ZNF782: variants seen among roughly 807,000 people sequenced by gnomAD.
The protein encoded by ZNF782 is zinc finger protein 782.
In ZNF782, 12 loss-of-function variants were observed where a neutral mutation model predicts 13.0. The ratio of observed to expected loss-of-function variants is 0.92; its 90% CI spans 0.59 to 1.50. The LOEUF (loss-of-function observed/expected upper bound fraction) is 1.50, where lower values mean the gene tolerates loss of function less well. Among genes scored for constraint, ZNF782 ranks in the 40% most tolerant of loss-of-function variants. The probability of loss-of-function intolerance (pLI) is 0.00; values close to 1 mark genes in which losing one functional copy is unlikely to be tolerated. For missense variants in ZNF782, 770 were observed against 822.9 expected (o/e 0.94, Z 0.79); for synonymous variants, 284 against 283.0 (o/e 1.00, Z -0.04).
Position 96,817,965 on chromosome 9 carries a change from T to A in ZNF782, c.2058A>T (p.Lys686Asn). 3 of 1,603,246 alleles carry A rather than the reference T, an allele frequency of 1.9e-6. No homozygotes were observed. Among genetic ancestry groups the A allele is most frequent in the Non-Finnish European group, 2.6e-6 (3 of 1,175,020 alleles). The change falls in exon 6 of 6, where the codon AAA (lysine) becomes AAT (asparagine). Residue 686 changes from lysine (K) to asparagine (N), a missense_variant. Coordinates refer to ENST00000481138, the MANE Select transcript of ZNF782 (RefSeq NM_001001662.3). ...CDKCGRTFSQ[K>N]SSLREHQKAH... The stretch of plus-strand genomic sequence containing the variant: ...CTTTCTGATGTTCTCTAAGGCTTGA[T>A]TTTTGACTGAAAGTTCTCCCACATT...
At chr9:96,914,087 A>G in the ZNF782 span, among the ~76,000 whole-genome samples, 1 of 151,588 alleles carries the variant, frequency 6.6e-6, no homozygotes, top group African/African-American at 2.4e-5. Flanking sequence ...AATAAAATAC[A>G]TATTGCATTA....
the ZNF782 span, among the ~76,000 whole-genome samples, chr9:96,899,002 T>C: frequency 3.4e-5 from 5 of 148,748 alleles, no homozygotes; most frequent in South Asian, 2.1e-4. Context: ...AAGTCCATTA[T>C]AGACTTTCCA....
intron 4 of ZNF782, among the ~76,000 whole-genome samples, chr9:96,837,801 T>C (rs1003981927): frequency 6.6e-6 from 1 of 152,224 alleles, no homozygotes; most frequent in African/African-American, 2.4e-5. Flanking sequence ...TGTTAATTTT[T>C]CACATATTTG....
At chr9:96,855,366 C>T (rs1424453866), upstream of ZNF782, among the ~76,000 whole-genome samples, 2 of 152,172 alleles carry the variant, frequency 1.3e-5, no homozygotes, top group Non-Finnish European at 2.9e-5. Context: ...GAGCAGTATA[C>T]ACTGCACCCC....
At chr9:96,851,108 T>G (rs1484051127) in intron 3 of ZNF782, among the ~76,000 whole-genome samples, 1 of 152,128 alleles carries the variant, frequency 6.6e-6, no homozygotes, top group Non-Finnish European at 1.5e-5. Flanking sequence ...CTTGTCTCTC[T>G]GTACATCTAT....
intron 4 of ZNF782, among the ~76,000 whole-genome samples, chr9:96,839,820 G>A (rs745368033): frequency 2.6e-5 from 4 of 152,020 alleles, no homozygotes; most frequent in Non-Finnish European, 5.9e-5. Context: ...TATTTACTGA[G>A]TATCACTCCT....
chr9:96,840,177 T>C (rs572788112), intron 4 of ZNF782, among the ~76,000 whole-genome samples: 2 of 152,266 alleles, frequency 1.3e-5, no homozygotes, highest in African/African-American at 4.8e-5. Flanking sequence ...CTCAATAATA[T>C]ATATTCACTT....
chr9:96,893,522 TTACTGGG>T, the ZNF782 span: 1 of 152,262 alleles, frequency 6.6e-6, no homozygotes, highest in Admixed American at 6.5e-5. Flanking sequence ...AGCCATCCCA[TTACTGGG>T]TATATACCCA....
At chr9:96,865,842 G>A (rs1851748470) in intron 1 of ZNF782, among the ~76,000 whole-genome samples, 1 of 152,148 alleles carries the variant, frequency 6.6e-6, no homozygotes, top group Non-Finnish European at 1.5e-5. Flanking sequence ...GAGCAAAAGT[G>A]ACTCTTGTTA....
chr9:96,870,044 T>G (rs1274389691), intron 1 of ZNF782, among the ~76,000 whole-genome samples: 1 of 152,046 alleles, frequency 6.6e-6, no homozygotes, highest in Non-Finnish European at 1.5e-5. Context: ...TAAAACAAGT[T>G]CCCCCTTTGC....
chr9:96,929,162 C>T, the ZNF782 span: 1 of 1,515,296 alleles, frequency 6.6e-7, no homozygotes, highest in Non-Finnish European at 9.1e-7. Context: ...CTGGATGTCC[C>T]CAAGGACATC....
the ZNF782 span, among the ~76,000 whole-genome samples, chr9:96,905,780 T>G: frequency 6.6e-6 from 1 of 152,258 alleles, no homozygotes; most frequent in Non-Finnish European, 1.5e-5. Flanking sequence ...GAGGCAGGGT[T>G]TCACCATGTT....
chr9:96,903,448 A>T, the ZNF782 span, among the ~76,000 whole-genome samples: 2 of 151,240 alleles, frequency 1.3e-5, no homozygotes. Context: ...CCAGTGGGAG[A>T]AGTTTTCAGT....
intron 4 of ZNF782, among the ~76,000 whole-genome samples, chr9:96,839,513 C>T (rs78871816): frequency 0.017 from 2,606 of 152,028 alleles, 66 homozygotes; most frequent in African/African-American, 0.059. Flanking sequence ...TTATCTGGAA[C>T]CATCAGTCTC....
At chr9:96,845,204 CT>C (rs1395519783) in intron 3 of ZNF782, among the ~76,000 whole-genome samples, 188 bp from the exon 4 acceptor site, 1 of 152,162 alleles carries the variant, frequency 6.6e-6, no homozygotes, top group East Asian at 1.9e-4. Context: ...TTCTCATGCT[CT>C]TATTTGTATT....
chr9:96,819,001 T>C lies in ZNF782; in HGVS notation c.1022A>G (p.His341Arg). The change falls in exon 6 of 6, where the codon CAC (histidine) becomes CGC (arginine). Residue 341 changes from histidine to arginine, a missense_variant. His to Arg is a conservative substitution (Grantham distance 29). Coordinates refer to ENST00000481138, the MANE Select transcript of ZNF782 (RefSeq NM_001001662.3). ...THATDKYSDY[H>R]PCTETFSYQS... ...GTAGCTGAATGTCTCTGTACATGGG[T>C]GATAATCAGAGTATTTATCTGTTGC... 1 of 1,614,170 alleles carries C rather than the reference T, an allele frequency of 6.2e-7. No homozygotes were observed. Among genetic ancestry groups the C allele is most frequent in the Non-Finnish European group, 8.5e-7 (1 of 1,180,008 alleles).
At chr9:96,912,806 C>T in the ZNF782 span, among the ~76,000 whole-genome samples, 1 of 151,570 alleles carries the variant, frequency 6.6e-6, no homozygotes, top group African/African-American at 2.4e-5. Flanking sequence ...GGGTTACAGG[C>T]GTGAGCCACT....
chr9:96,883,158 C>G, the ZNF782 span, among the ~76,000 whole-genome samples: 1 of 151,954 alleles, frequency 6.6e-6, no homozygotes, highest in Non-Finnish European at 1.5e-5. Flanking sequence ...ACACGAAACA[C>G]CAAGGACAAT....
the ZNF782 span, among the ~76,000 whole-genome samples, chr9:96,930,984 T>C: frequency 1.1e-4 from 15 of 140,164 alleles, no homozygotes; most frequent in African/African-American, 3.9e-4. Flanking sequence ...AGCCTCTGCC[T>C]CCTCGGTTCA....
Sources: allele counts gnomAD v4.1 joint callset (sites outside exome capture counted in the v4.1 genomes callset), GRCh38; gene constraint gnomAD v4.1.1; transcripts MANE v1.5; gene names NCBI Gene and HGNC (gene_info 2026-07-23, HGNC 2026-07-21).